The following UTP18 variants were observed in gnomAD, a reference collection of about 807,000 sequenced individuals.
UTP18 encodes the protein UTP18 small subunit processome component.
A neutral mutation model predicts 61.1 loss-of-function variants in UTP18; 36 were observed. The observed-to-expected ratio is 0.59, with a 90% confidence interval of 0.45 to 0.78. UTP18 has a LOEUF of 0.78. UTP18 is among the 30% of genes least tolerant of loss of function. UTP18 has a pLI of 0.00. For missense variants in UTP18, 753 were observed against 693.9 expected (o/e 1.09, Z -0.96); for synonymous variants, 282 against 251.1 (o/e 1.12, Z -1.16).
chr17:51,292,276 A>G (rs1249385222), intron 11 of UTP18, among the ~76,000 whole-genome samples: 4 of 152,238 alleles, frequency 2.6e-5, no homozygotes, highest in Non-Finnish European at 5.9e-5. Flanking sequence ...AGTGAAGTCC[A>G]AATTGGGGTA....
chr17:51,287,528 C>A (rs1597852895), intron 10 of UTP18, among the ~76,000 whole-genome samples: 1 of 152,084 alleles, frequency 6.6e-6, no homozygotes, highest in East Asian at 1.9e-4. Context: ...CCTGTGCAAC[C>A]AGAGGAGTGG....
intron 10 of UTP18, 26 bp downstream of exon 10, chr17:51,285,394 C>T (rs1343817010): frequency 1.9e-6 from 3 of 1,607,716 alleles, no homozygotes; most frequent in Non-Finnish European, 2.6e-6. Context: ...TTCTTGTAAC[C>T]TTAATCACAT....
At chr17:51,274,870 CT>C (rs1348559574) in intron 5 of UTP18, among the ~76,000 whole-genome samples, 1 of 152,028 alleles carries the variant, frequency 6.6e-6, no homozygotes, top group Non-Finnish European at 1.5e-5. Context: ...ATTCATTTAG[CT>C]CTTTACGGGT....
At chr17:51,282,738 A>G (rs577708924) in intron 9 of UTP18, among the ~76,000 whole-genome samples, 5 of 152,312 alleles carry the variant, frequency 3.3e-5, no homozygotes, top group East Asian at 1.9e-4. Context: ...CTAATTTATC[A>G]TAAGGTCCTA....
intron 4 of UTP18, among the ~76,000 whole-genome samples, chr17:51,270,416 C>T (rs1197559333): frequency 6.6e-6 from 1 of 152,136 alleles, no homozygotes; most frequent in Non-Finnish European, 1.5e-5. Context: ...ATTTTATTAT[C>T]CATTTCAGAA....
chr17:51,278,664 T>C (rs1313761278), intron 7 of UTP18, among the ~76,000 whole-genome samples: 2 of 152,236 alleles, frequency 1.3e-5, no homozygotes, highest in East Asian at 1.9e-4. Context: ...TGTAGGTGTT[T>C]CCAGTTGTAG....
rs1276825508 is a variant in UTP18, at chr17:51,291,969, T to G, written c.1504-1934T>G. Reference sequence around the variant, plus strand: ...CTCACCCCTTGTAGCAAATGTTTTTTTCCTGATCATCTGCTTTCCTGATGC... The same window carrying G: ...CTCACCCCTTGTAGCAAATGTTTTTGTCCTGATCATCTGCTTTCCTGATGC... On this transcript the variant is annotated intron_variant, in intron 11 of 13. Transcript: ENST00000225298. Among the ~76,000 whole-genome samples the G allele has an allele frequency of 3.9e-5, 6 of 152,222 alleles. No homozygotes were observed. The South Asian group carries it at 6.2e-4, about 16-fold the overall frequency.
At chr17:51,272,156 T>C (rs929143619) in intron 4 of UTP18, among the ~76,000 whole-genome samples, 1 of 152,122 alleles carries the variant, frequency 6.6e-6, no homozygotes, top group African/African-American at 2.4e-5. Flanking sequence ...TGGAGTGCAG[T>C]GGCGCAATCT....
At chr17:51,282,444 G>A (rs1443831799) in intron 9 of UTP18, among the ~76,000 whole-genome samples, 7 of 151,740 alleles carry the variant, frequency 4.6e-5, no homozygotes, top group Admixed American at 2.0e-4. Flanking sequence ...ACTAGTTTTT[G>A]TGAGAAGAAA....
Position 51,281,238 on chromosome 17 carries a change from T to A in UTP18, c.1204+759T>A, listed in dbSNP as rs114388585. Among the ~76,000 whole-genome samples the A allele has an allele frequency of 5.0e-3, 763 of 151,312 alleles. 9 individuals are homozygous for A. The highest frequency in any genetic ancestry group is 0.018 in the African/African-American group (733 of 41,282). On this transcript the variant is annotated intron_variant, in intron 9 of 13. Coordinates refer to ENST00000225298, the MANE Select transcript of UTP18 (RefSeq NM_016001.3). ...TAGAAAATCAGATCTATTTTTAGAATTCATTTTTGTTGCCATTGCCTTCTC... is the reference window on the plus strand; with the variant it reads ...TAGAAAATCAGATCTATTTTTAGAAATCATTTTTGTTGCCATTGCCTTCTC...
intron 1 of UTP18, among the ~76,000 whole-genome samples, chr17:51,261,769 G>T (rs1264918740): frequency 3.9e-5 from 6 of 152,124 alleles, no homozygotes; most frequent in Non-Finnish European, 8.8e-5. Context: ...GCAGAGGAAA[G>T]CTCACCGAGA....
At chr17:51,281,964 A>G (rs934908047) in intron 9 of UTP18, among the ~76,000 whole-genome samples, 2 of 152,250 alleles carry the variant, frequency 1.3e-5, no homozygotes, top group Non-Finnish European at 2.9e-5. Context: ...TAAATTTTCT[A>G]CATTATTGTC....
Position 51,287,606 on chromosome 17 carries a change from C to G in UTP18, c.1329-423C>G, listed in dbSNP as rs191328921. The stretch of plus-strand genomic sequence containing the variant: ...GAAGAGATAATATGCATGTGGCCAC[C>G]CCCACAAACCTTTAGGAATGCAGTG... On this transcript the variant is annotated intron_variant, in intron 10 of 13. Coordinates refer to ENST00000225298, the MANE Select transcript of UTP18 (RefSeq NM_016001.3). 7.2e-5 allele frequency among the ~76,000 whole-genome samples: 11 copies of G among 152,064 alleles called. No homozygotes were observed. The East Asian group carries it at 1.9e-3, about 27-fold the overall frequency.
intron 2 of UTP18, 68 bp from the exon 3 acceptor site, chr17:51,266,113 GC>G: frequency 1.6e-6 from 2 of 1,213,836 alleles, no homozygotes; most frequent in Non-Finnish European, 1.1e-6. Flanking sequence ...TTCTCCAAGT[GC>G]TAAAAGCAGC....
intron 5 of UTP18, 147 bp downstream of exon 5, chr17:51,273,597 T>TG (rs1491412475): frequency 8.1e-6 from 4 of 496,316 alleles, no homozygotes; most frequent in Middle Eastern, 3.4e-4. Flanking sequence ...CTTATGTTAT[T>TG]GTTTTTTTTT....
At position 51,280,450 on chromosome 17, in the gene UTP18, C is replaced by T; in HGVS notation, c.1175C>T (p.Ser392Leu). 1 of 1,614,156 alleles carries T rather than the reference C, an allele frequency of 6.2e-7. No homozygotes were observed. The highest frequency in any genetic ancestry group is 8.5e-7 in the Non-Finnish European group (1 of 1,180,010). The change falls in exon 9 of 14, where the codon TCA becomes TTA. Residue 392 changes from serine (S) to leucine (L), a missense_variant. Coordinates refer to ENST00000225298, the MANE Select transcript of UTP18 (RefSeq NM_016001.3). ...NGRVAASTFS[S>L]DSKKVYASSG... ...AGGGTTGCAGCATCCACATTCTCTT[C>T]AGATAGTAAGAAAGTATACGCCTCT... is the stretch of plus-strand genomic sequence containing the variant.
intron 12 of UTP18, among the ~76,000 whole-genome samples, chr17:51,295,420 C>G (rs1296783919): frequency 1.3e-5 from 2 of 152,170 alleles, no homozygotes; most frequent in African/African-American, 4.8e-5. Context: ...CTACATATGG[C>G]TAGCCAGTTT....
chr17:51,276,036 A>G (rs1450182466), intron 6 of UTP18, 45 bp downstream of exon 6: 2 of 1,556,558 alleles, frequency 1.3e-6, no homozygotes, highest in Non-Finnish European at 1.7e-6. Flanking sequence ...CATTATTTTT[A>G]TTTAAGGACC....
At chr17:51,268,311 C>G (rs1174810478) in intron 3 of UTP18, among the ~76,000 whole-genome samples, 1 of 152,230 alleles carries the variant, frequency 6.6e-6, no homozygotes, top group Admixed American at 6.5e-5. Flanking sequence ...CAGGCGTGAG[C>G]CATGGCGCCC....
Sources: allele counts gnomAD v4.1 joint callset (sites outside exome capture counted in the v4.1 genomes callset), GRCh38; gene constraint gnomAD v4.1.1; transcripts MANE v1.5; gene names NCBI Gene and HGNC (gene_info 2026-07-23, HGNC 2026-07-21).